SORCS3: variants seen among roughly 807,000 people sequenced by gnomAD.
SORCS3 encodes VPS10 domain-containing receptor SorCS3.
Under a neutral mutation model 146.3 loss-of-function variants are expected in SORCS3, and 57 were observed. The ratio of observed to expected loss-of-function variants is 0.39; its 90% CI spans 0.31 to 0.49. SORCS3 has a LOEUF of 0.49. Ranked by LOEUF, SORCS3 falls within the 20% of genes least tolerant of loss-of-function variation. The pLI, the probability that SORCS3 is intolerant of heterozygous loss-of-function variation, is 0.92. For synonymous variants in SORCS3, 653 were observed against 618.5 expected (o/e 1.06, Z -0.83); for missense variants, 1,341 against 1,575.5 (o/e 0.85, Z 2.52).
intron 4 of SORCS3, among the ~76,000 whole-genome samples, chr10:104,994,365 T>A (rs2055011137): frequency 6.6e-6 from 1 of 152,250 alleles, no homozygotes; most frequent in Non-Finnish European, 1.5e-5. Flanking sequence ...GAAATCTTTT[T>A]AGATGCTCAT....
chr10:105,049,180 G>A (rs2055394498), intron 5 of SORCS3, among the ~76,000 whole-genome samples: 2 of 152,042 alleles, frequency 1.3e-5, no homozygotes, highest in Admixed American at 1.3e-4. Flanking sequence ...TTTCAGCAAA[G>A]TAGCTTTTTA....
intron 1 of SORCS3, among the ~76,000 whole-genome samples, chr10:104,697,796 C>G (rs553963567): frequency 3.3e-5 from 5 of 152,100 alleles, no homozygotes; most frequent in Admixed American, 6.6e-5. Context: ...TGATCACTTA[C>G]GAATAGTTAA....
In SORCS3 at chr10:105,181,570, C is replaced by T. The variant is rs117488798; in HGVS notation, c.2009+3397C>T. On this transcript the variant is annotated intron_variant, in intron 14 of 26. Coordinates refer to ENST00000369701, the MANE Select transcript of SORCS3 (RefSeq NM_014978.3). ...GGACATTTCTAACACCGTAGCTTTG[C>T]AGGAGGATTTACATGGGAGACAGTC... is the stretch of plus-strand genomic sequence containing the variant. Among the ~76,000 whole-genome samples, 1,119 of 152,264 alleles carry T rather than the reference C, an allele frequency of 7.3e-3. 6 individuals carry two copies. Among genetic ancestry groups the T allele is most frequent in the Middle Eastern group, 0.041 (12 of 294 alleles).
chr10:105,096,123 C>CACAG (rs1020358006), intron 6 of SORCS3, among the ~76,000 whole-genome samples: 4 of 151,014 alleles, frequency 2.6e-5, no homozygotes, highest in African/African-American at 9.7e-5. Context: ...CACACACACA[C>CACAG]ACACACACAG....
chr10:105,071,638 G>A (rs541698732), intron 5 of SORCS3, among the ~76,000 whole-genome samples: 3 of 152,266 alleles, frequency 2.0e-5, no homozygotes, highest in South Asian at 4.1e-4. Context: ...AAAGGGTATC[G>A]ATCCCGTCAA....
chr10:105,230,821 A>G (rs1419240018), intron 20 of SORCS3, among the ~76,000 whole-genome samples: 1 of 152,162 alleles, frequency 6.6e-6, no homozygotes, highest in African/African-American at 2.4e-5. Context: ...GTTGGGAGCT[A>G]GGTTCTCAAA....
chr10:104,808,368 T>C (rs933867806), intron 1 of SORCS3, among the ~76,000 whole-genome samples: 1 of 152,124 alleles, frequency 6.6e-6, no homozygotes, highest in Non-Finnish European at 1.5e-5. Context: ...TAGAAATAAA[T>C]AAATTAGTAT....
At chr10:104,869,767 G>A (rs939249682) in intron 2 of SORCS3, among the ~76,000 whole-genome samples, 1 of 152,194 alleles carries the variant, frequency 6.6e-6, no homozygotes, top group African/African-American at 2.4e-5. Context: ...GATTACCTGA[G>A]TTCTCCCTAC....
At chr10:104,644,131 G>A (rs2015463309) in intron 1 of SORCS3, among the ~76,000 whole-genome samples, 1 of 152,222 alleles carries the variant, frequency 6.6e-6, no homozygotes, top group African/African-American at 2.4e-5. Flanking sequence ...GACTGGAGCA[G>A]TTGGGCTTGG....
intron 1 of SORCS3, among the ~76,000 whole-genome samples, chr10:104,686,995 A>G (rs1434205255): frequency 2.0e-5 from 3 of 152,002 alleles, no homozygotes; most frequent in Admixed American, 6.6e-5. Flanking sequence ...CCATCCATGT[A>G]CCCATCCTTC....
At chr10:104,981,426 A>G (rs1299421451) in intron 4 of SORCS3, among the ~76,000 whole-genome samples, 1 of 152,202 alleles carries the variant, frequency 6.6e-6, no homozygotes, top group African/African-American at 2.4e-5. Context: ...TTAGAACAAA[A>G]GCTCTATAAC....
intron 22 of SORCS3, among the ~76,000 whole-genome samples, chr10:105,252,330 C>G (rs1224089902): frequency 2.6e-5 from 4 of 152,216 alleles, no homozygotes; most frequent in African/African-American, 9.6e-5. Flanking sequence ...TAAAAAAAAT[C>G]CTGCTTTAAT....
chr10:104,720,891 T>A (rs941418912), intron 1 of SORCS3, among the ~76,000 whole-genome samples: 22 of 152,106 alleles, frequency 1.4e-4, no homozygotes, highest in Non-Finnish European at 1.0e-4. Flanking sequence ...TTATCAGATG[T>A]ATAGATTGCA....
intron 1 of SORCS3, among the ~76,000 whole-genome samples, chr10:104,763,449 T>C (rs2133478244): frequency 6.6e-6 from 1 of 152,302 alleles, no homozygotes; most frequent in South Asian, 2.1e-4. Context: ...TTACAAATAG[T>C]CAAGGATCTA....
intron 5 of SORCS3, among the ~76,000 whole-genome samples, chr10:105,078,853 A>T (rs916791478): frequency 6.6e-6 from 1 of 152,214 alleles, no homozygotes; most frequent in African/African-American, 2.4e-5. Flanking sequence ...TGACTGAGTG[A>T]TGGAGCCAAG....
At position 105,216,952 on chromosome 10, in the gene SORCS3, C is replaced by T; in HGVS notation, c.2564C>T (p.Thr855Ile). 1 of 1,614,170 alleles carries T rather than the reference C, an allele frequency of 6.2e-7. No homozygotes were observed. The highest frequency in any genetic ancestry group is 8.5e-7 in the Non-Finnish European group (1 of 1,180,018). ...ILMEEGDLQR[T>I]NIQLDFGDGI... Reference sequence around the variant, plus strand: ...ATCTTGCAGGGTGATCTACAAAGGACAAACATCCAGCTTGACTTTGGGGAT... The same window carrying T: ...ATCTTGCAGGGTGATCTACAAAGGATAAACATCCAGCTTGACTTTGGGGAT... The change falls in exon 19 of 27, where the codon ACA (threonine) becomes ATA (isoleucine). Residue 855 changes from threonine (T) to isoleucine (I), a missense_variant. Thr to Ile is a moderately conservative substitution (Grantham distance 89, BLOSUM62 -1). Coordinates refer to ENST00000369701, the MANE Select transcript of SORCS3 (RefSeq NM_014978.3).
chr10:105,155,847 C>T (rs551290018), intron 9 of SORCS3, among the ~76,000 whole-genome samples: 84 of 152,266 alleles, frequency 5.5e-4, no homozygotes, highest in Admixed American at 2.4e-3. Context: ...TGGTGGTGTC[C>T]TTCCAGTTAA....
chr10:105,159,757 T>C (rs935090983), intron 11 of SORCS3, among the ~76,000 whole-genome samples: 2 of 152,306 alleles, frequency 1.3e-5, no homozygotes, highest in South Asian at 4.1e-4. Flanking sequence ...TACATTCTGT[T>C]TTCTCTCATC....
chr10:104,749,361 T>C (rs2016956800), intron 1 of SORCS3, among the ~76,000 whole-genome samples: 1 of 152,100 alleles, frequency 6.6e-6, no homozygotes, highest in East Asian at 1.9e-4. Flanking sequence ...TGAACATGAT[T>C]GTGACTTCTG....
Sources: allele counts gnomAD v4.1 joint callset (sites outside exome capture counted in the v4.1 genomes callset), GRCh38; gene constraint gnomAD v4.1.1; transcripts MANE v1.5; gene names NCBI Gene and HGNC (gene_info 2026-07-23, HGNC 2026-07-21).